The following MYO3A variants were observed in gnomAD, a reference collection of about 807,000 sequenced individuals.
MYO3A encodes the protein myosin IIIA.
A neutral mutation model predicts 192.7 loss-of-function variants in MYO3A; 180 were observed. That is an observed-to-expected ratio of 0.93 (90% CI 0.83 to 1.06). The LOEUF (loss-of-function observed/expected upper bound fraction) is 1.06. Ranked by LOEUF, MYO3A falls within the 50% of genes least tolerant of loss-of-function variation. The pLI, the probability that MYO3A is intolerant of heterozygous loss-of-function variation, is 0.00. For missense variants in MYO3A, 1,896 were observed against 1,905.0 expected, an observed-to-expected ratio of 1.00 and a Z score of 0.09; for synonymous variants, 628 against 645.3, an observed-to-expected ratio of 0.97 and a Z score of 0.41.
chr10:25,941,589 T>C (rs1024364174), intron 2 of MYO3A, among the ~76,000 whole-genome samples: 2 of 152,210 alleles, frequency 1.3e-5, no homozygotes, highest in African/African-American at 4.8e-5. Flanking sequence ...TTCTGGGTAA[T>C]TATATTGCTG....
rs748219530 is a variant in MYO3A, at chr10:25,952,185, G to T, written c.75G>T (p.Glu25Asp). ...CTTCTGATACATGGGAAATCACTGA[G>T]ACAATTGGCAAAGGAACTTATGGGA... Reference protein sequence around the residue: ...PDPSDTWEITETIGKGTYGKV... With the variant: ...PDPSDTWEITDTIGKGTYGKV... The change falls in exon 3 of 35, where the codon GAG becomes GAT. Residue 25 changes from glutamate to aspartate, a missense_variant. Physicochemically the swap from Glu to Asp is conservative, Grantham distance 45. Coordinates refer to ENST00000642920, the MANE Select transcript of MYO3A (RefSeq NM_017433.5). The T allele has an allele frequency of 6.2e-7, 1 of 1,612,438 alleles. No individual in the cohort carries two copies. The highest frequency in any genetic ancestry group is 1.1e-5 in the South Asian group (1 of 91,024).
At chr10:25,996,370 G>A in intron 4 of MYO3A, 120 bp from the exon 5 acceptor site, 1 of 753,666 alleles carries the variant, frequency 1.3e-6, no homozygotes. Flanking sequence ...AAAGATAATG[G>A]CATTAATCAT....
At chr10:25,986,571 T>C (rs2368117) in intron 4 of MYO3A, among the ~76,000 whole-genome samples, 111,487 of 152,146 alleles carry the variant, frequency 0.73, 41,371 homozygotes, top group African/African-American at 0.84. Context: ...AGCAGCTAAG[T>C]GGAGAATCAA....
At chr10:26,103,657 T>C (rs1038338806) in intron 17 of MYO3A, among the ~76,000 whole-genome samples, 2 of 152,244 alleles carry the variant, frequency 1.3e-5, no homozygotes, top group Non-Finnish European at 2.9e-5. Context: ...TGAACATTCA[T>C]GTACAACATT....
chr10:26,058,702 C>T (rs183865596), intron 10 of MYO3A, among the ~76,000 whole-genome samples: 3 of 152,254 alleles, frequency 2.0e-5, no homozygotes, highest in African/African-American at 7.2e-5. Context: ...TTTGACTTTC[C>T]ATATAAACTT....
chr10:26,044,779 G>A (rs1359173117), intron 10 of MYO3A, among the ~76,000 whole-genome samples: 1 of 149,348 alleles, frequency 6.7e-6, no homozygotes, highest in Non-Finnish European at 1.5e-5. Context: ...GGGGCTACAA[G>A]TAAAAACTGA....
At chr10:26,199,189 C>T (rs79710040) in intron 32 of MYO3A, among the ~76,000 whole-genome samples, 2,575 of 152,178 alleles carry the variant, frequency 0.017, 79 homozygotes, top group African/African-American at 0.057. Flanking sequence ...GATTGTATAA[C>T]GACTTATATT....
At chr10:26,196,216 C>T (rs898524572) in intron 32 of MYO3A, among the ~76,000 whole-genome samples, 2 of 152,180 alleles carry the variant, frequency 1.3e-5, no homozygotes, top group Non-Finnish European at 2.9e-5. Context: ...TTTAAGTAGT[C>T]AATGATACTC....
chr10:26,094,994 C>T (rs924484052), intron 15 of MYO3A, among the ~76,000 whole-genome samples: 1 of 151,996 alleles, frequency 6.6e-6, no homozygotes, highest in Non-Finnish European at 1.5e-5. Context: ...TCATTGGCCC[C>T]CTAAGTTTGC....
At chr10:26,081,769 C>G (rs1835973288) in intron 14 of MYO3A, among the ~76,000 whole-genome samples, 1 of 152,202 alleles carries the variant, frequency 6.6e-6, no homozygotes, top group African/African-American at 2.4e-5. Flanking sequence ...TTGTGCTTGG[C>G]TCTCCAAATG....
In MYO3A at chr10:25,944,221, A is replaced by G. The variant is rs1039956739; in HGVS notation, c.-17-7873A>G. 3.3e-5 allele frequency among the ~76,000 whole-genome samples: 5 copies of G among 152,086 alleles called. No homozygotes were observed. The East Asian group carries it at 7.7e-4, about 23-fold the overall frequency. ...ACATTGATTGATTTTCATATGTTGAATCATTTTTGTATTCCAGAAATAAAT... is the reference window on the plus strand; with the variant it reads ...ACATTGATTGATTTTCATATGTTGAGTCATTTTTGTATTCCAGAAATAAAT... On this transcript the variant is annotated intron_variant, in intron 2 of 34. Coordinates refer to ENST00000642920, the MANE Select transcript of MYO3A (RefSeq NM_017433.5).
chr10:26,142,448 T>C (rs952636538), intron 20 of MYO3A, among the ~76,000 whole-genome samples: 9 of 152,226 alleles, frequency 5.9e-5, no homozygotes, highest in African/African-American at 1.7e-4. Flanking sequence ...AGATCATAGG[T>C]ACCTATGCTG....
At chr10:25,973,988 C>G (rs1374425691) in intron 4 of MYO3A, among the ~76,000 whole-genome samples, 6 of 152,104 alleles carry the variant, frequency 3.9e-5, no homozygotes, top group Non-Finnish European at 7.3e-5. Flanking sequence ...CGTAAAAACC[C>G]TCGAAGAAAA....
intron 10 of MYO3A, among the ~76,000 whole-genome samples, chr10:26,061,234 C>A (rs61849336): frequency 2.6e-5 from 4 of 151,712 alleles, no homozygotes; most frequent in Middle Eastern, 3.2e-3. Flanking sequence ...CGGCCGACAC[C>A]TTGTTTTTTG....
intron 6 of MYO3A, among the ~76,000 whole-genome samples, chr10:26,002,931 CT>C (rs1473904623): frequency 6.6e-6 from 1 of 152,164 alleles, no homozygotes; most frequent in African/African-American, 2.4e-5. Context: ...AGTACTTTCT[CT>C]GCTAAGCTGT....
chr10:26,008,353 C>T lies in MYO3A; in HGVS notation c.509-8467C>T, dbSNP rs1841377913. Among the ~76,000 whole-genome samples, 5 of 148,626 alleles carry T rather than the reference C, an allele frequency of 3.4e-5. No individual in the cohort carries two copies. In the South Asian group the frequency reaches 1.0e-3, roughly 31 times the overall value. ...GACTTCATATCTAAAACACCAAAAG[C>T]AATGGCAACAAAAGCCAAAATTGAC... is the stretch of plus-strand genomic sequence containing the variant. On this transcript the variant is annotated intron_variant, in intron 6 of 34. Transcript: ENST00000642920.
At chr10:26,153,069 G>A (rs921738820) in intron 23 of MYO3A, among the ~76,000 whole-genome samples, 1 of 152,202 alleles carries the variant, frequency 6.6e-6, no homozygotes, top group Non-Finnish European at 1.5e-5. Flanking sequence ...ATTACTATTA[G>A]GATAATAAAC....
chr10:26,101,763 T>A (rs546131463), intron 17 of MYO3A, among the ~76,000 whole-genome samples: 1 of 152,362 alleles, frequency 6.6e-6, no homozygotes, highest in East Asian at 1.9e-4. Context: ...TGCCAGGAGA[T>A]CCGCTGTTAG....
chr10:26,056,696 A>G (rs1390263591), intron 10 of MYO3A, among the ~76,000 whole-genome samples: 1 of 152,184 alleles, frequency 6.6e-6, no homozygotes, highest in African/African-American at 2.4e-5. Context: ...CCAAATGCCC[A>G]GAAGCAAAGC....
Sources: allele counts gnomAD v4.1 joint callset (sites outside exome capture counted in the v4.1 genomes callset), GRCh38; gene constraint gnomAD v4.1.1; transcripts MANE v1.5; gene names NCBI Gene and HGNC (gene_info 2026-07-23, HGNC 2026-07-21).